Variants in ATXN7L1 observed in about 807,000 individuals in gnomAD.
ATXN7L1 encodes ataxin-7-like protein 1.
Under a neutral mutation model 70.8 loss-of-function variants are expected in ATXN7L1, and 15 were observed. The observed-to-expected ratio is 0.21, with a 90% confidence interval of 0.14 to 0.33. ATXN7L1 has a LOEUF of 0.33. Ranked by LOEUF, ATXN7L1 falls within the 10% of genes least tolerant of loss-of-function variation. The probability of loss-of-function intolerance (pLI) is 1.00; values close to 1 mark genes in which losing one functional copy is unlikely to be tolerated. For missense variants in ATXN7L1, 975 were observed against 1,097.1 expected (o/e 0.89, Z 1.57); for synonymous variants, 440 against 445.1 (o/e 0.99, Z 0.14).
chr7:105,628,792 CAAATAAATAAATAAAT>C (rs199937717), intron 7 of ATXN7L1, among the ~76,000 whole-genome samples: 208 of 142,006 alleles, frequency 1.5e-3, no homozygotes, highest in African/African-American at 4.1e-3. Context: ...GACTCCATCT[CAAATAAATAAATAAAT>C]AAATAAATAA....
intron 3 of ATXN7L1, among the ~76,000 whole-genome samples, chr7:105,781,654 T>C (rs1803550960): frequency 6.6e-6 from 1 of 150,944 alleles, no homozygotes; most frequent in Admixed American, 6.8e-5. Context: ...TTAATAATTG[T>C]GAAACTTTTT....
chr7:105,689,042 C>T (rs887661289), intron 3 of ATXN7L1, among the ~76,000 whole-genome samples: 1 of 152,144 alleles, frequency 6.6e-6, no homozygotes, highest in African/African-American at 2.4e-5. Context: ...AAAGGTTTGA[C>T]GAAATTACAC....
At chr7:105,612,079 C>T (rs935936509) in intron 10 of ATXN7L1, among the ~76,000 whole-genome samples, 3 of 152,202 alleles carry the variant, frequency 2.0e-5, no homozygotes, top group African/African-American at 7.2e-5. Context: ...GCATTTCCTA[C>T]AGTCCTGCAG....
chr7:105,835,143 T>A (rs1585114663), intron 2 of ATXN7L1, among the ~76,000 whole-genome samples: 1 of 120,512 alleles, frequency 8.3e-6, no homozygotes, highest in East Asian at 2.5e-4. Flanking sequence ...AATTTATAAG[T>A]GTGTGGTTTT....
intron 2 of ATXN7L1, among the ~76,000 whole-genome samples, chr7:105,853,569 A>G (rs1185357118): frequency 2.0e-5 from 3 of 150,512 alleles, no homozygotes; most frequent in Non-Finnish European, 4.4e-5. Flanking sequence ...ACAAACAAAC[A>G]AAAAACAACA....
chr7:105,664,909 T>C (rs1489687959), intron 4 of ATXN7L1, among the ~76,000 whole-genome samples, 157 bp downstream of exon 4: 1 of 152,100 alleles, frequency 6.6e-6, no homozygotes, highest in Non-Finnish European at 1.5e-5. Flanking sequence ...AGGTTTATCT[T>C]TCCATCATTT....
intron 3 of ATXN7L1, among the ~76,000 whole-genome samples, chr7:105,753,106 G>C (rs1256408369): frequency 6.6e-6 from 1 of 152,256 alleles, no homozygotes; most frequent in African/African-American, 2.4e-5. Flanking sequence ...GTGAGAGCCA[G>C]TGCTGCAGAC....
At chr7:105,698,594 G>T (rs1440486404) in intron 3 of ATXN7L1, among the ~76,000 whole-genome samples, 1 of 152,312 alleles carries the variant, frequency 6.6e-6, no homozygotes, top group East Asian at 1.9e-4. Flanking sequence ...CTGGGGTCAA[G>T]TGACCTGCCT....
chr7:105,760,198 C>T, intron 3 of ATXN7L1: 5 of 984,552 alleles, frequency 5.1e-6, no homozygotes, highest in Non-Finnish European at 6.0e-6. Context: ...TCCACCCATC[C>T]AATAGATGTT....
chr7:105,767,907 G>A (rs1422392291), intron 3 of ATXN7L1, among the ~76,000 whole-genome samples: 1 of 152,228 alleles, frequency 6.6e-6, no homozygotes, highest in Non-Finnish European at 1.5e-5. Flanking sequence ...CTCAGGGCTG[G>A]AGTGCAGAGC....
intron 2 of ATXN7L1, among the ~76,000 whole-genome samples, chr7:105,795,243 C>T (rs2158898): frequency 2.0e-5 from 3 of 152,240 alleles, no homozygotes; most frequent in Non-Finnish European, 4.4e-5. Flanking sequence ...TAAAGTGCTT[C>T]TGAAGTCAAC....
At chr7:105,873,156 AAAAACAAAAC>A (rs67923679) in intron 2 of ATXN7L1, among the ~76,000 whole-genome samples, 16 of 150,784 alleles carry the variant, frequency 1.1e-4, no homozygotes, top group African/African-American at 1.5e-4. Flanking sequence ...TCCGTCTCAA[AAAAACAAAAC>A]AAAACAAAAC....
chr7:105,807,954 CT>C (rs1807862458), intron 2 of ATXN7L1, among the ~76,000 whole-genome samples: 1 of 152,240 alleles, frequency 6.6e-6, no homozygotes, highest in South Asian at 2.1e-4. Context: ...GATACAAGTC[CT>C]TAAAGAGGCC....
chr7:105,845,776 G>T (rs1168869109), intron 2 of ATXN7L1, among the ~76,000 whole-genome samples: 1 of 152,090 alleles, frequency 6.6e-6, no homozygotes, highest in East Asian at 1.9e-4. Flanking sequence ...TTCATCAAGA[G>T]TTCCAAGACA....
intron 7 of ATXN7L1, among the ~76,000 whole-genome samples, chr7:105,627,235 A>G (rs1196998230): frequency 6.6e-6 from 1 of 152,026 alleles, no homozygotes; most frequent in East Asian, 1.9e-4. Flanking sequence ...CTTTTTCTGT[A>G]TTTATTTTTA....
intron 2 of ATXN7L1, among the ~76,000 whole-genome samples, chr7:105,873,811 A>G (rs1019533540): frequency 6.6e-6 from 1 of 152,078 alleles, no homozygotes; most frequent in Non-Finnish European, 1.5e-5. Context: ...AGGAAAGGAG[A>G]GCTTTTCATT....
chr7:105,638,578 G>A lies in ATXN7L1; in HGVS notation c.977C>T (p.Pro326Leu), dbSNP rs1797715325. 6.4e-7 allele frequency: 1 copy of A among 1,551,864 alleles called. No homozygotes were observed. Among genetic ancestry groups the A allele is most frequent in the African/African-American group, 1.4e-5 (1 of 73,156 alleles). Reference sequence around the variant, plus strand: ...GAGGTCAAATTGCTTTTTCCGGCCTGGGACTGCCCTCCGATGGCTTAGCGA... The same window carrying A: ...GAGGTCAAATTGCTTTTTCCGGCCTAGGACTGCCCTCCGATGGCTTAGCGA... The part of the protein sequence containing the change: ...THSLSHRRAV[P>L]GRKKQFDLLL... The change falls in exon 7 of 12, where the codon CCA becomes CTA. Residue 326 changes from proline (P) to leucine (L), a missense_variant. Transcript: ENST00000419735.
chr7:105,863,556 G>A (rs1252792667), intron 2 of ATXN7L1, among the ~76,000 whole-genome samples: 1 of 152,186 alleles, frequency 6.6e-6, no homozygotes, highest in Non-Finnish European at 1.5e-5. Context: ...GTGCCTGCTT[G>A]CTTCCCCTTA....
intron 3 of ATXN7L1, among the ~76,000 whole-genome samples, chr7:105,786,783 C>T (rs986572186): frequency 1.3e-5 from 2 of 151,960 alleles, no homozygotes; most frequent in African/African-American, 2.4e-5. Context: ...CTAAAGTGCT[C>T]GGATTATAAG....
Sources: allele counts gnomAD v4.1 joint callset (sites outside exome capture counted in the v4.1 genomes callset), GRCh38; gene constraint gnomAD v4.1.1; transcripts MANE v1.5; gene names NCBI Gene and HGNC (gene_info 2026-07-23, HGNC 2026-07-21).